ADCK1: variants seen among roughly 807,000 people sequenced by gnomAD.
ADCK1 encodes aarF domain-containing protein kinase 1.
ADCK1 carries 41 observed loss-of-function variants against 52.3 expected under a neutral mutation model. That is an observed-to-expected ratio of 0.78 (90% CI 0.61 to 1.02). The LOEUF is 1.02. ADCK1 is among the 50% of genes least tolerant of loss of function. ADCK1 has a pLI of 0.00. For synonymous variants in ADCK1, 250 were observed against 274.6 expected, an observed-to-expected ratio of 0.91 and a Z score of 0.89; for missense variants, 658 against 679.5, an observed-to-expected ratio of 0.97 and a Z score of 0.35.
chr14:77,827,534 C>T (rs1219376368), intron 3 of ADCK1, among the ~76,000 whole-genome samples: 1 of 151,270 alleles, frequency 6.6e-6, no homozygotes, highest in Non-Finnish European at 1.5e-5. Context: ...ACTGTGGATT[C>T]TTGGAGAAGC....
At chr14:77,861,242 G>T (rs1210270552) in intron 4 of ADCK1, among the ~76,000 whole-genome samples, 1 of 152,168 alleles carries the variant, frequency 6.6e-6, no homozygotes, top group Non-Finnish European at 1.5e-5. Flanking sequence ...CTTCTTCAGA[G>T]CCCTCTGGGT....
chr14:77,894,736 GTTTTTTTTT>G lies in ADCK1; in HGVS notation c.583-4344_583-4336del. Among the ~76,000 whole-genome samples the G allele has an allele frequency of 5.0e-3, 181 of 36,468 alleles. 2 individuals are homozygous for G. The highest frequency in any genetic ancestry group is 0.012 in the South Asian group (7 of 606). The allele number at this position is 36,468 out of a possible 152,430, so 23.9% of individuals were successfully genotyped here. The stretch of plus-strand genomic sequence containing the variant: ...TTATTTCTTTTTCTTTTCTTTTCTT[GTTTTTTTTT>G]TTTTTTTTTTTTTTTTTTTAGATGG... On this transcript the variant is annotated intron_variant, in intron 5 of 10. Transcript: ENST00000238561.
At chr14:77,896,909 A>G (rs1441285293) in intron 5 of ADCK1, among the ~76,000 whole-genome samples, 3 of 152,224 alleles carry the variant, frequency 2.0e-5, no homozygotes, top group Admixed American at 2.0e-4. Flanking sequence ...TCTTTTTGGA[A>G]TGGCGTCTGG....
chr14:77,858,333 G>A (rs892780080), intron 3 of ADCK1, among the ~76,000 whole-genome samples: 1 of 152,140 alleles, frequency 6.6e-6, no homozygotes, highest in Non-Finnish European at 1.5e-5. Context: ...CGCCTCCTGG[G>A]TTCAAGCAAT....
At chr14:77,804,809 C>T (rs913074835) in intron 1 of ADCK1, among the ~76,000 whole-genome samples, 2 of 152,226 alleles carry the variant, frequency 1.3e-5, no homozygotes, top group African/African-American at 4.8e-5. Flanking sequence ...TGGCAAATGA[C>T]AGCCTGAGGT....
chr14:77,899,212 A>G lies in ADCK1; in HGVS notation c.695A>G (p.Asn232Ser). The change falls in exon 6 of 11, where the codon AAT becomes AGT. Residue 232 changes from asparagine (N) to serine (S), a missense_variant. By Grantham distance (46) the Asn-to-Ser change is conservative (BLOSUM62 1). Transcript: ENST00000238561. ...LELDFLNEGR[N>S]AEKVSQMLRH... ...CTGGATTTCCTCAATGAAGGGAGGA[A>G]TGCTGAGAAGGTGTCCCAGATGCTC... 1 of 1,614,166 alleles carries G rather than the reference A, an allele frequency of 6.2e-7. No homozygotes were observed. The highest frequency in any genetic ancestry group is 1.7e-5 in the Admixed American group (1 of 60,018).
chr14:77,889,639 G>T (rs1052329491), intron 5 of ADCK1, among the ~76,000 whole-genome samples: 1 of 152,220 alleles, frequency 6.6e-6, no homozygotes, highest in African/African-American at 2.4e-5. Flanking sequence ...CAGCAAGTTG[G>T]CAAGGGAGCC....
At chr14:77,817,882 C>T (rs1278068007) in intron 1 of ADCK1, among the ~76,000 whole-genome samples, 1 of 149,480 alleles carries the variant, frequency 6.7e-6, no homozygotes, top group Non-Finnish European at 1.5e-5. Context: ...ACTACAGGCG[C>T]CCGCCACCAC....
chr14:77,913,519 T>C (rs1479708552), intron 7 of ADCK1, among the ~76,000 whole-genome samples: 1 of 152,222 alleles, frequency 6.6e-6, no homozygotes, highest in African/African-American at 2.4e-5. Flanking sequence ...ATGACTGTCA[T>C]TGATCTCATT....
At chr14:77,839,385 G>A (rs1351491459) in intron 3 of ADCK1, among the ~76,000 whole-genome samples, 7 of 152,280 alleles carry the variant, frequency 4.6e-5, no homozygotes, top group South Asian at 2.1e-4. Context: ...GGCAGGTTCC[G>A]GGAAATGGCA....
chr14:77,889,894 A>AAAC (rs2083244865), intron 5 of ADCK1, among the ~76,000 whole-genome samples: 2 of 151,438 alleles, frequency 1.3e-5, no homozygotes, highest in Non-Finnish European at 1.5e-5. Context: ...GTTAAAAAAA[A>AAAC]AAAAAAAAAA....
chr14:77,901,669 C>T (rs1335145500), intron 6 of ADCK1, among the ~76,000 whole-genome samples: 1 of 152,072 alleles, frequency 6.6e-6, no homozygotes, highest in Non-Finnish European at 1.5e-5. Flanking sequence ...GGATTATAGG[C>T]GTGAGCCACC....
chr14:77,888,372 T>A (rs1173957991), intron 5 of ADCK1, among the ~76,000 whole-genome samples: 1 of 152,158 alleles, frequency 6.6e-6, no homozygotes, highest in Non-Finnish European at 1.5e-5. Context: ...TAGAATGGTA[T>A]GTATGGTCAA....
intron 7 of ADCK1, 126 bp from the exon 8 acceptor site, chr14:77,924,331 A>C: frequency 1.3e-4 from 161 of 1,273,654 alleles, no homozygotes; most frequent in Non-Finnish European, 1.6e-4. Context: ...CTCCCACCAC[A>C]ACCGCTCCGG....
chr14:77,878,553 C>A (rs1464354871), intron 4 of ADCK1, among the ~76,000 whole-genome samples: 1 of 152,190 alleles, frequency 6.6e-6, no homozygotes, highest in Admixed American at 6.5e-5. Context: ...CTCCTGGTAC[C>A]ACCTCTCTCA....
chr14:77,924,944 G>A (rs916258025), intron 8 of ADCK1, among the ~76,000 whole-genome samples: 3 of 152,190 alleles, frequency 2.0e-5, no homozygotes, highest in Admixed American at 1.3e-4. Context: ...GGGACTTTAC[G>A]GGGAAGGAGT....
chr14:77,903,419 G>A (rs545110280), intron 6 of ADCK1, among the ~76,000 whole-genome samples: 24 of 152,312 alleles, frequency 1.6e-4, no homozygotes, highest in East Asian at 1.5e-3. Flanking sequence ...GCTTATGTGC[G>A]GTTTAAGAAC....
chr14:77,905,665 C>T (rs1367038316), intron 6 of ADCK1, among the ~76,000 whole-genome samples: 1 of 152,078 alleles, frequency 6.6e-6, no homozygotes. Flanking sequence ...ACAAAAACAA[C>T]AGGCAGGGCA....
chr14:77,852,503 T>C (rs1481209757), intron 3 of ADCK1, among the ~76,000 whole-genome samples: 2 of 151,696 alleles, frequency 1.3e-5, no homozygotes, highest in Non-Finnish European at 2.9e-5. Flanking sequence ...CTTCTGTCTG[T>C]ATCTTTTTTC....
Sources: allele counts gnomAD v4.1 joint callset (sites outside exome capture counted in the v4.1 genomes callset), GRCh38; gene constraint gnomAD v4.1.1; transcripts MANE v1.5; gene names NCBI Gene and HGNC (gene_info 2026-07-23, HGNC 2026-07-21).